The following MRTFA variants were observed in gnomAD, a reference collection of about 807,000 sequenced individuals.
MRTFA encodes the protein myocardin related transcription factor A, also known as myocardin-related transcription factor A.
In MRTFA, 20 loss-of-function variants were observed where a neutral mutation model predicts 83.5. The observed-to-expected ratio is 0.24, with a 90% CI of 0.17 to 0.35. MRTFA has a LOEUF of 0.35. Among genes scored for constraint, MRTFA ranks in the 10% least tolerant of loss-of-function variants. The probability of loss-of-function intolerance (pLI) is 1.00; values close to 1 mark genes in which losing one functional copy is unlikely to be tolerated. For missense variants in MRTFA, 1,200 were observed against 1,224.7 expected, an observed-to-expected ratio of 0.98 and a Z score of 0.30; for synonymous variants, 659 against 541.2, an observed-to-expected ratio of 1.22 and a Z score of -3.02.
chr22:40,519,017 G>GTT (rs112569374), intron 3 of MRTFA, among the ~76,000 whole-genome samples: 12 of 141,690 alleles, frequency 8.5e-5, no homozygotes, highest in Non-Finnish European at 1.7e-4. Context: ...TGTTTTTGGG[G>GTT]TTTTTTTTTT....
At chr22:40,586,070 G>A (rs945688724) in intron 2 of MRTFA, among the ~76,000 whole-genome samples, 1 of 152,086 alleles carries the variant, frequency 6.6e-6, no homozygotes, top group African/African-American at 2.4e-5. Flanking sequence ...CATCTTGAAC[G>A]ATGAACCACA....
At chr22:40,572,472 T>C (rs1432865539) in intron 2 of MRTFA, among the ~76,000 whole-genome samples, 1 of 149,314 alleles carries the variant, frequency 6.7e-6, no homozygotes, top group Non-Finnish European at 1.5e-5. Flanking sequence ...GGCAACACAA[T>C]GAAACCCTAT....
At chr22:40,617,911 G>A (rs1211276888) in intron 1 of MRTFA, among the ~76,000 whole-genome samples, 2 of 152,072 alleles carry the variant, frequency 1.3e-5, no homozygotes, top group Non-Finnish European at 2.9e-5. Flanking sequence ...TGTTGGTGTT[G>A]AGGATACAGA....
At chr22:40,635,657 C>A (rs1405082349) in intron 1 of MRTFA, among the ~76,000 whole-genome samples, 2 of 152,178 alleles carry the variant, frequency 1.3e-5, no homozygotes, top group African/African-American at 4.8e-5. Context: ...GGCACACAGG[C>A]AAACCAGGCA....
chr22:40,568,960 A>G (rs2055744958), intron 2 of MRTFA, among the ~76,000 whole-genome samples: 1 of 152,250 alleles, frequency 6.6e-6, no homozygotes, highest in Non-Finnish European at 1.5e-5. Context: ...TCAAGGAGAA[A>G]GGAAGAATAC....
At chr22:40,427,872 G>T (rs2052987500) in intron 7 of MRTFA, among the ~76,000 whole-genome samples, 1 of 152,044 alleles carries the variant, frequency 6.6e-6, no homozygotes, top group South Asian at 2.1e-4. Flanking sequence ...AGTGGGGGTG[G>T]GTATGTAGGA....
At chr22:40,631,238 C>T (rs1054422945) in intron 1 of MRTFA, among the ~76,000 whole-genome samples, 8 of 152,188 alleles carry the variant, frequency 5.3e-5, no homozygotes, top group Non-Finnish European at 7.3e-5. Context: ...TCTGCATACT[C>T]ATATCAGTCT....
chr22:40,516,053 A>G (rs950188767), intron 3 of MRTFA, among the ~76,000 whole-genome samples: 4 of 152,216 alleles, frequency 2.6e-5, no homozygotes, highest in African/African-American at 9.7e-5. Context: ...GAGGATCTTC[A>G]GGATAAAGCA....
chr22:40,600,009 C>CAA (rs34183268), intron 1 of MRTFA, among the ~76,000 whole-genome samples: 42,332 of 121,014 alleles, frequency 0.35, 6,717 homozygotes, highest in East Asian at 0.63. Flanking sequence ...TTTGACTTAT[C>CAA]AAAAAAAAAA....
intron 2 of MRTFA, among the ~76,000 whole-genome samples, chr22:40,569,042 AT>A (rs1282614328): frequency 1.3e-5 from 2 of 152,218 alleles, no homozygotes; most frequent in Non-Finnish European, 2.9e-5. Flanking sequence ...CATGAAAAAA[AT>A]AATACAATAG....
At chr22:40,625,337 G>A (rs2056569012) in intron 1 of MRTFA, among the ~76,000 whole-genome samples, 1 of 151,670 alleles carries the variant, frequency 6.6e-6, no homozygotes, top group Admixed American at 6.6e-5. Context: ...AAAAATAGGA[G>A]GGGTGTGTTG....
intron 3 of MRTFA, among the ~76,000 whole-genome samples, chr22:40,507,890 G>T (rs1569302950): frequency 6.7e-6 from 1 of 149,224 alleles, no homozygotes; most frequent in Non-Finnish European, 1.5e-5. Context: ...TTGAACCCGG[G>T]AGGCAGAGGT....
At chr22:40,536,901 C>T (rs1418272268) in intron 3 of MRTFA, among the ~76,000 whole-genome samples, 2 of 69,704 alleles carry the variant, frequency 2.9e-5, no homozygotes, top group African/African-American at 5.4e-5. Context: ...GGAGCCCCTC[C>T]GCCCGGCAGC....
At chr22:40,455,588 G>A (rs995395923) in intron 4 of MRTFA, among the ~76,000 whole-genome samples, 4 of 150,186 alleles carry the variant, frequency 2.7e-5, no homozygotes, top group African/African-American at 9.9e-5. Context: ...GGAGCTTGCA[G>A]TGAGCCGAGA....
At chr22:40,602,074 A>G (rs1205780384) in intron 1 of MRTFA, among the ~76,000 whole-genome samples, 2 of 152,202 alleles carry the variant, frequency 1.3e-5, no homozygotes, top group African/African-American at 4.8e-5. Context: ...AAACAAGAGA[A>G]TGGTCCAGAG....
intron 3 of MRTFA, among the ~76,000 whole-genome samples, chr22:40,536,517 G>C (rs1220749565): frequency 1.5e-5 from 2 of 131,910 alleles, no homozygotes; most frequent in South Asian, 5.2e-4. Context: ...GCCTCTGCCC[G>C]GCCGCCACCC....
chr22:40,500,574 G>A (rs1400514374), intron 3 of MRTFA, among the ~76,000 whole-genome samples: 1 of 151,918 alleles, frequency 6.6e-6, no homozygotes, highest in African/African-American at 2.4e-5. Flanking sequence ...GATTACTTGC[G>A]ATTAGGGATT....
chr22:40,611,091 C>A (rs796591029), intron 1 of MRTFA, among the ~76,000 whole-genome samples: 1 of 151,860 alleles, frequency 6.6e-6, no homozygotes, highest in African/African-American at 2.4e-5. Context: ...GCGTGTGCCA[C>A]CACGCCCGGC....
intron 2 of MRTFA, among the ~76,000 whole-genome samples, chr22:40,576,792 A>C (rs370418317): frequency 7.9e-5 from 12 of 152,254 alleles, no homozygotes; most frequent in African/African-American, 2.9e-4. Context: ...CATTAAGATC[A>C]TAATGAGGCC....
Sources: gnomAD v4.1 joint callset for allele counts (sites outside exome capture counted in the v4.1 genomes callset) on GRCh38, gnomAD v4.1.1 for gene constraint, MANE v1.5 for transcripts, NCBI Gene and HGNC (gene_info 2026-07-23, HGNC 2026-07-21) for gene names.